The following PGAP2 variants were observed in gnomAD, a reference collection of about 807,000 sequenced individuals.
PGAP2 encodes post-GPI attachment to proteins 2, also known as acyltransferase PGAP2.
PGAP2 carries 21 observed loss-of-function variants against 33.2 expected under a neutral mutation model. The observed-to-expected ratio is 0.63, with a 90% CI of 0.45 to 0.91. PGAP2 has a LOEUF of 0.91. PGAP2 is among the 40% of genes least tolerant of loss of function. The pLI is 0.00. For missense variants in PGAP2, 345 were observed against 424.0 expected, an observed-to-expected ratio of 0.81 and a Z score of 1.64; for synonymous variants, 161 against 172.9, an observed-to-expected ratio of 0.93 and a Z score of 0.54.
At position 3,817,495 on chromosome 11, in the gene PGAP2, T is replaced by C; in HGVS notation, c.308T>C (p.Leu103Pro). 3 of 1,614,198 alleles carry C rather than the reference T, an allele frequency of 1.9e-6. No individual in the cohort carries two copies. Among genetic ancestry groups the C allele is most frequent in the Non-Finnish European group, 2.5e-6 (3 of 1,180,024 alleles). Residue 103 changes from leucine to proline, a missense_variant, in exon 3 of 7, where the codon CTG becomes CCG. Coordinates refer to ENST00000278243, the MANE Select transcript of PGAP2 (RefSeq NM_014489.4). ...FGFFFCIIWS[L>P]VFHFEYTVAT... ...TTCTTCTTCTGCATCATCTGGTCCC[T>C]GGTGTTCCACTTTGAGTACACGGTG...
chr11:3,798,484 C>G (rs2082905393), intron 1 of PGAP2, among the ~76,000 whole-genome samples: 1 of 152,058 alleles, frequency 6.6e-6, no homozygotes, highest in South Asian at 2.1e-4. Flanking sequence ...CGTCCGCCAC[C>G]AGGCCCAGCT....
intron 3 of PGAP2, chr11:3,822,934 G>C (rs1336057275): frequency 6.5e-7 from 1 of 1,541,644 alleles, no homozygotes; most frequent in Non-Finnish European, 8.8e-7. Flanking sequence ...AGGAGTTCCA[G>C]GCATTAAGAT....
At chr11:3,804,154 A>C (rs917214249), upstream of PGAP2, among the ~76,000 whole-genome samples, 4 of 152,100 alleles carry the variant, frequency 2.6e-5, no homozygotes, top group Non-Finnish European at 5.9e-5. Context: ...TATTTTAGTG[A>C]TCTCCCTAGA....
intron 3 of PGAP2, among the ~76,000 whole-genome samples, chr11:3,823,355 G>A (rs1327026188): frequency 6.6e-6 from 1 of 152,060 alleles, no homozygotes; most frequent in Admixed American, 6.5e-5. Context: ...TGTTAATCAT[G>A]ATCAGAGCAG....
At chr11:3,803,948 G>A (rs112893857), upstream of PGAP2, among the ~76,000 whole-genome samples, 4,181 of 151,850 alleles carry the variant, frequency 0.028, 198 homozygotes, top group African/African-American at 0.094. Context: ...GTGCCACCAC[G>A]CCTGGCTAAT....
intron 1 of PGAP2, chr11:3,798,218 G>C: frequency 9.1e-7 from 1 of 1,099,024 alleles, no homozygotes; most frequent in Non-Finnish European, 1.2e-6. Context: ...TTCTAGGATG[G>C]ACATTAGGAG....
Position 3,825,566 on chromosome 11 carries a change from G to A in PGAP2, c.*108G>A. On this transcript the variant is annotated 3_prime_UTR_variant, in exon 7 of 7. Coordinates refer to ENST00000278243, the MANE Select transcript of PGAP2 (RefSeq NM_014489.4). Reference sequence around the variant, plus strand: ...ATCCTCTCTTGGCCTTACTGAAGATGGGGGAAGGGTAAGAAGGAAGGGTGT... The same window carrying A: ...ATCCTCTCTTGGCCTTACTGAAGATAGGGGAAGGGTAAGAAGGAAGGGTGT... 8.2e-7 allele frequency: 1 copy of A among 1,219,496 alleles called. No homozygotes were observed. The allele number at this position is 1,219,496 out of a possible 1,614,324, so 75.5% of individuals were successfully genotyped here.
intron 1 of PGAP2, among the ~76,000 whole-genome samples, chr11:3,809,087 G>A (rs1840058493): frequency 6.6e-6 from 1 of 152,166 alleles, no homozygotes; most frequent in Non-Finnish European, 1.5e-5. Flanking sequence ...TAGAATTATG[G>A]TGAGATTAAA....
chr11:3,816,077 T>G (rs1440298562), intron 2 of PGAP2: 1 of 152,468 alleles, frequency 6.6e-6, no homozygotes, highest in Non-Finnish European at 1.5e-5. Flanking sequence ...TGTTCTAGGA[T>G]TTATGACATA....
rs770218419 is a variant in PGAP2, at chr11:3,823,788, G to C, written c.349-95G>C. The C allele has an allele frequency of 1.9e-5, 31 of 1,598,782 alleles. No individual in the cohort carries two copies. In the South Asian group the frequency reaches 3.3e-4, roughly 17 times the overall value. Reference sequence around the variant, plus strand: ...ACTTCTTGGAAGGGGAGGGGCTGGAGCAGAGGCAAGAGTGATTTTGTCAGA... The same window carrying C: ...ACTTCTTGGAAGGGGAGGGGCTGGACCAGAGGCAAGAGTGATTTTGTCAGA... On this transcript the variant is annotated intron_variant, in intron 3 of 6. Transcript: ENST00000278243.
chr11:3,816,681 C>T (rs767714895), intron 2 of PGAP2, among the ~76,000 whole-genome samples: 8 of 152,102 alleles, frequency 5.3e-5, no homozygotes, highest in Non-Finnish European at 1.0e-4. Flanking sequence ...ATCAGGGTAC[C>T]GCTGGCCTGA....
intron 5 of PGAP2, 103 bp downstream of exon 5, chr11:3,824,479 T>C (rs754039026): frequency 1.3e-6 from 2 of 1,568,754 alleles, no homozygotes; most frequent in East Asian, 2.3e-5. Context: ...TGAGTTCTAA[T>C]GGGAACCCTG....
At chr11:3,812,515 A>G (rs994795760) in intron 2 of PGAP2, among the ~76,000 whole-genome samples, 2 of 151,412 alleles carry the variant, frequency 1.3e-5, no homozygotes, top group African/African-American at 4.9e-5. Flanking sequence ...ATAGGAAGGT[A>G]GTTTAGGGAG....
intron 2 of PGAP2, among the ~76,000 whole-genome samples, chr11:3,812,260 C>T (rs527619340): frequency 1.1e-3 from 173 of 152,254 alleles, no homozygotes; most frequent in Middle Eastern, 0.01. Context: ...TCAGTTTCCT[C>T]ATGTCTGAAA....
At chr11:3,808,522 C>G (rs2084875462), upstream of PGAP2, 2 of 1,408,726 alleles carry the variant, frequency 1.4e-6, no homozygotes, top group African/African-American at 2.9e-5. Flanking sequence ...AGTTTCCTCT[C>G]TAAGTTCCGC....
chr11:3,804,044 G>A (rs1298107649), upstream of PGAP2, among the ~76,000 whole-genome samples: 1 of 151,900 alleles, frequency 6.6e-6, no homozygotes, highest in African/African-American at 2.4e-5. Context: ...GCCTGCCTCA[G>A]CCTACCAAAG....
upstream of PGAP2, among the ~76,000 whole-genome samples, chr11:3,804,838 A>G (rs1047978178): frequency 2.0e-5 from 3 of 152,084 alleles, no homozygotes; most frequent in African/African-American, 7.2e-5. Flanking sequence ...AGTAGCTGGG[A>G]TTACAGGCGC....
rs1348816739 is a variant in PGAP2, at chr11:3,811,604, G to A, written c.165+180G>A. On this transcript the variant is annotated intron_variant, in intron 2 of 6. Coordinates refer to ENST00000278243, the MANE Select transcript of PGAP2 (RefSeq NM_014489.4). This position sits in a 1 kb window ranked among gnomAD's most constrained non-coding sequence, Gnocchi z 4.6. ...TTAGTCTCCCTCTGCCTTCTGTGAG[G>A]TTCTGGAGGCTGGAGTCACTGAAGT... is the stretch of plus-strand genomic sequence containing the variant. Among the ~76,000 whole-genome samples the A allele has an allele frequency of 6.6e-6, 1 of 152,166 alleles. No homozygotes were observed. The highest frequency in any genetic ancestry group is 2.4e-5 in the African/African-American group (1 of 41,428).
chr11:3,808,052 T>C (rs1171643792), upstream of PGAP2: 6 of 1,411,736 alleles, frequency 4.3e-6, no homozygotes, highest in African/African-American at 1.5e-5. Context: ...CCAGAGTTTC[T>C]GGGATGTGCC....
Sources: allele counts gnomAD v4.1 joint callset (sites outside exome capture counted in the v4.1 genomes callset), GRCh38; gene constraint gnomAD v4.1.1; non-coding constraint Gnocchi (gnomAD v3.1); transcripts MANE v1.5; gene names NCBI Gene and HGNC (gene_info 2026-07-23, HGNC 2026-07-21).